Variants in NHSL1 observed in about 807,000 individuals in gnomAD.
NHSL1 encodes NHS-like protein 1.
NHSL1 carries 48 observed loss-of-function variants against 95.0 expected under a neutral mutation model. The ratio of observed to expected loss-of-function variants is 0.51; its 90% CI spans 0.40 to 0.64. The LOEUF (loss-of-function observed/expected upper bound fraction) is 0.64. Among genes scored for constraint, NHSL1 ranks in the 30% least tolerant of loss-of-function variants. The probability of loss-of-function intolerance (pLI) is 0.00; values close to 1 mark genes in which losing one functional copy is unlikely to be tolerated. For missense variants in NHSL1, 1,971 were observed against 2,077.7 expected (o/e 0.95, Z 1.00); for synonymous variants, 783 against 833.9 (o/e 0.94, Z 1.05).
intron 5 of NHSL1, among the ~76,000 whole-genome samples, 181 bp from the exon 6 acceptor site, chr6:138,433,861 T>A (rs926565336): frequency 6.6e-6 from 1 of 152,236 alleles, no homozygotes; most frequent in Non-Finnish European, 1.5e-5. Flanking sequence ...AAAATTATTG[T>A]CATGAATGTC....
intron 2 of NHSL1, among the ~76,000 whole-genome samples, chr6:138,480,665 C>T (rs1157342311): frequency 6.6e-6 from 1 of 152,144 alleles, no homozygotes; most frequent in Admixed American, 6.5e-5. Flanking sequence ...AGCATTGAAT[C>T]TTTTGCAACC....
chr6:138,690,412 A>G (rs1283581267), intron 1 of NHSL1, among the ~76,000 whole-genome samples: 1 of 152,004 alleles, frequency 6.6e-6, no homozygotes, highest in Non-Finnish European at 1.5e-5. Context: ...GCATAATTAT[A>G]TTCAATAAAA....
chr6:138,645,510 CTTTT>C (rs746425752), intron 1 of NHSL1, among the ~76,000 whole-genome samples: 4 of 137,950 alleles, frequency 2.9e-5, no homozygotes, highest in Admixed American at 7.3e-5. Context: ...TTTCTTTTTT[CTTTT>C]TTTTTTTTTT....
intron 4 of NHSL1, among the ~76,000 whole-genome samples, chr6:138,443,762 G>A (rs969136744): frequency 5.3e-5 from 8 of 152,280 alleles, no homozygotes; most frequent in Middle Eastern, 3.4e-3. Flanking sequence ...CCTGGGAGGC[G>A]GAGGTTGCAG....
chr6:138,425,942 G>A (rs564700663), intron 7 of NHSL1, among the ~76,000 whole-genome samples: 1 of 141,810 alleles, frequency 7.1e-6, no homozygotes, highest in African/African-American at 2.5e-5. Context: ...GTGGGGTGGG[G>A]AAGACGAAGG....
chr6:138,557,966 AT>A (rs1416565437), intron 1 of NHSL1, among the ~76,000 whole-genome samples: 2 of 152,216 alleles, frequency 1.3e-5, no homozygotes, highest in Non-Finnish European at 2.9e-5. Context: ...AATATTTTCA[AT>A]TGTTTTAGAA....
At chr6:138,652,235 A>G (rs1337215849) in intron 1 of NHSL1, among the ~76,000 whole-genome samples, 1 of 152,040 alleles carries the variant, frequency 6.6e-6, no homozygotes, top group Non-Finnish European at 1.5e-5. Context: ...TGAGGTCAGG[A>G]GTTCGAGACC....
At chr6:138,620,557 C>T (rs1784642067) in intron 1 of NHSL1, among the ~76,000 whole-genome samples, 1 of 151,814 alleles carries the variant, frequency 6.6e-6, no homozygotes, top group African/African-American at 2.4e-5. Flanking sequence ...TGGTTGCTAA[C>T]ATAAAATGAG....
intron 1 of NHSL1, among the ~76,000 whole-genome samples, chr6:138,617,764 C>G (rs778043701): frequency 6.6e-6 from 1 of 152,234 alleles, no homozygotes; most frequent in Non-Finnish European, 1.5e-5. Context: ...GTTCTCATTA[C>G]TCCTGGAGGA....
In NHSL1 at chr6:138,533,945, C is replaced by A. The variant is rs4896373; in HGVS notation, c.16+11678G>T. 4.3e-3 allele frequency among the ~76,000 whole-genome samples: 661 copies of A among 152,322 alleles called. 28 individuals carry two copies. The highest frequency in any genetic ancestry group is 0.039 in the Admixed American group (597 of 15,290). On this transcript the variant is annotated intron_variant, in intron 1 of 4. Transcript: ENST00000342260. Reference sequence around the variant, plus strand: ...TCATTTGTTCTGAATGTTTAAATTTCTAGAAACACATTAACTTTTCTCCTC... The same window carrying A: ...TCATTTGTTCTGAATGTTTAAATTTATAGAAACACATTAACTTTTCTCCTC...
rs1322378835 is a variant in NHSL1, at chr6:138,437,441, C to CAAA, written c.665-3762_665-3761insTTT. Among the ~76,000 whole-genome samples, 9 of 35,476 alleles carry CAAA rather than the reference C, an allele frequency of 2.5e-4. 2 individuals are homozygous for CAAA. The highest frequency in any genetic ancestry group is 1.2e-3 in the East Asian group (1 of 838). The allele number at this position is 35,476 out of a possible 152,430, so 23.3% of individuals were successfully genotyped here. A position where few individuals can be genotyped will look rare whatever the true frequency, so the allele number is the denominator to read the frequency against. On this transcript the variant is annotated intron_variant, in intron 5 of 7. Transcript: ENST00000343505. ...ACACACACACACACACACACACACA[C>CAAA]ACACAAAAAAAAAAAAAAAAAATAC...
chr6:138,473,775 T>C (rs1157988962), intron 2 of NHSL1, among the ~76,000 whole-genome samples: 1 of 152,052 alleles, frequency 6.6e-6, no homozygotes, highest in Non-Finnish European at 1.5e-5. Flanking sequence ...GTTATGCAAG[T>C]GAGCAGTGGA....
At chr6:138,482,804 G>T (rs937651146) in intron 2 of NHSL1, among the ~76,000 whole-genome samples, 3 of 152,096 alleles carry the variant, frequency 2.0e-5, no homozygotes, top group Admixed American at 6.6e-5. Context: ...GCTTGTAAAG[G>T]GTAGTGGGAC....
At chr6:138,576,856 T>C (rs566064473), upstream of NHSL1, among the ~76,000 whole-genome samples, 174 of 152,324 alleles carry the variant, frequency 1.1e-3, no homozygotes, top group Non-Finnish European at 1.8e-3. Context: ...CATTTGAGGG[T>C]CACTTACCCA....
At chr6:138,435,058 T>G (rs1373820691) in intron 5 of NHSL1, among the ~76,000 whole-genome samples, 4 of 152,062 alleles carry the variant, frequency 2.6e-5, no homozygotes, top group Non-Finnish European at 5.9e-5. Flanking sequence ...TGAAGACAGA[T>G]AGACAGACAC....
chr6:138,640,875 C>T (rs1027369156), intron 1 of NHSL1, among the ~76,000 whole-genome samples: 1 of 152,166 alleles, frequency 6.6e-6, no homozygotes, highest in Non-Finnish European at 1.5e-5. Context: ...ATGGGCTGAT[C>T]CATTACCAGA....
chr6:138,441,282 T>C (rs1488767729), intron 5 of NHSL1, among the ~76,000 whole-genome samples: 1 of 152,178 alleles, frequency 6.6e-6, no homozygotes, highest in Non-Finnish European at 1.5e-5. Context: ...TCTGGTATTA[T>C]GGGCCCTATT....
At chr6:138,633,847 A>T (rs1272062382) in intron 1 of NHSL1, among the ~76,000 whole-genome samples, 2 of 152,218 alleles carry the variant, frequency 1.3e-5, no homozygotes, top group Non-Finnish European at 2.9e-5. Flanking sequence ...CTAAACAATG[A>T]GCCAAACAAA....
At chr6:138,650,123 T>G in intron 1 of NHSL1, 1 of 528,480 alleles carries the variant, frequency 1.9e-6, no homozygotes, top group Non-Finnish European at 3.8e-6. Flanking sequence ...GCACATCTGG[T>G]TGTTGTTGGG....
Sources: allele counts gnomAD v4.1 joint callset (sites outside exome capture counted in the v4.1 genomes callset), GRCh38; gene constraint gnomAD v4.1.1; transcripts MANE v1.5; gene names NCBI Gene and HGNC (gene_info 2026-07-23, HGNC 2026-07-21).